Variants in VTI1A observed in about 807,000 individuals in gnomAD.
VTI1A encodes vesicle transport through interaction with t-SNAREs 1A.
In VTI1A, 22 loss-of-function variants were observed where a neutral mutation model predicts 34.9. That is an observed-to-expected ratio of 0.63 (90% CI 0.45 to 0.90). The LOEUF (loss-of-function observed/expected upper bound fraction) is 0.90, where lower values mean the gene tolerates loss of function less well. VTI1A is among the 40% of genes least tolerant of loss of function. The pLI, the probability that VTI1A is intolerant of heterozygous loss-of-function variation, is 0.00. For synonymous variants in VTI1A, 87 were observed against 97.3 expected, an observed-to-expected ratio of 0.89 and a Z score of 0.62; for missense variants, 268 against 275.6, an observed-to-expected ratio of 0.97 and a Z score of 0.20.
At chr10:112,582,289 C>T (rs1367055902) in intron 5 of VTI1A, among the ~76,000 whole-genome samples, 1 of 152,126 alleles carries the variant, frequency 6.6e-6, no homozygotes, top group Admixed American at 6.5e-5. Context: ...CATGACCTCC[C>T]CAGTGTGCAT....
At chr10:112,782,648 T>A (rs1010133808) in intron 7 of VTI1A, among the ~76,000 whole-genome samples, 1 of 152,208 alleles carries the variant, frequency 6.6e-6, no homozygotes, top group Non-Finnish European at 1.5e-5. Flanking sequence ...TAATTACATT[T>A]GGTCTACCTA....
intron 5 of VTI1A, among the ~76,000 whole-genome samples, chr10:112,595,753 G>A (rs879478039): frequency 2.0e-5 from 3 of 149,366 alleles, no homozygotes; most frequent in African/African-American, 5.1e-5. Context: ...AGTCAGTGTG[G>A]CGATTCCTCA....
intron 7 of VTI1A, among the ~76,000 whole-genome samples, chr10:112,801,738 A>C (rs1429528555): frequency 6.6e-6 from 1 of 152,234 alleles, no homozygotes; most frequent in African/African-American, 2.4e-5. Flanking sequence ...CTCTTTGGTG[A>C]GGGATCAGGT....
intron 3 of VTI1A, among the ~76,000 whole-genome samples, chr10:112,519,698 C>G (rs142648502): frequency 0.01 from 1,537 of 152,140 alleles, 10 homozygotes; most frequent in Admixed American, 0.018. Flanking sequence ...CCTTGTTCTG[C>G]CTCATCTTTC....
chr10:112,502,751 A>C (rs1322793881), intron 3 of VTI1A, among the ~76,000 whole-genome samples: 1 of 152,244 alleles, frequency 6.6e-6, no homozygotes, highest in Non-Finnish European at 1.5e-5. Flanking sequence ...TCAAGGATTG[A>C]GAGATCGTGA....
intron 5 of VTI1A, among the ~76,000 whole-genome samples, chr10:112,656,610 T>C (rs1324718015): frequency 6.6e-6 from 1 of 150,400 alleles, no homozygotes; most frequent in Non-Finnish European, 1.5e-5. Flanking sequence ...AAGTGATCCT[T>C]GATCTGCCTC....
chr10:112,482,528 G>A (rs1337558708), intron 3 of VTI1A, among the ~76,000 whole-genome samples: 1 of 152,030 alleles, frequency 6.6e-6, no homozygotes. Context: ...TGGCACTGTG[G>A]CTCACACTAA....
chr10:112,504,755 T>A lies in VTI1A; in HGVS notation c.265-22332T>A, dbSNP rs145654665. ...TAATTTACATGACCCCGGCATTGCA[T>A]GGAGATATTGGTTACTTGCAAATTG... On this transcript the variant is annotated intron_variant, in intron 3 of 7. Transcript: ENST00000393077. 5.1e-3 allele frequency among the ~76,000 whole-genome samples: 774 copies of A among 152,282 alleles called. 9 individuals are homozygous for A. Among genetic ancestry groups the A allele is most frequent in the African/African-American group, 0.017 (709 of 41,558 alleles).
intron 5 of VTI1A, among the ~76,000 whole-genome samples, chr10:112,585,495 C>G (rs538241039): frequency 6.6e-6 from 1 of 152,240 alleles, no homozygotes; most frequent in East Asian, 1.9e-4. Flanking sequence ...TTAGAGTCAT[C>G]CTAACATATG....
At chr10:112,835,422 T>C in the VTI1A span, among the ~76,000 whole-genome samples, 1 of 152,220 alleles carries the variant, frequency 6.6e-6, no homozygotes, top group East Asian at 1.9e-4. Flanking sequence ...CTGCGATTGT[T>C]TTTAAGCCAG....
At chr10:112,477,779 C>A (rs987230088) in intron 3 of VTI1A, among the ~76,000 whole-genome samples, 4 of 152,286 alleles carry the variant, frequency 2.6e-5, no homozygotes, top group Admixed American at 6.5e-5. Flanking sequence ...TTATCTGATA[C>A]CTTTTGATTT....
At chr10:112,789,766 T>C (rs4918775) in intron 7 of VTI1A, among the ~76,000 whole-genome samples, 118,212 of 151,462 alleles carry the variant, frequency 0.78, 46,463 homozygotes, top group East Asian at 0.95. Context: ...TTGAGATTTC[T>C]TCTTTGTTGA....
intron 5 of VTI1A, among the ~76,000 whole-genome samples, chr10:112,596,616 T>C (rs938372593): frequency 6.6e-6 from 1 of 152,188 alleles, no homozygotes; most frequent in Admixed American, 6.5e-5. Flanking sequence ...TTTAATGTAT[T>C]ATACCAAATT....
At chr10:112,806,029 G>A (rs11196114) in intron 7 of VTI1A, among the ~76,000 whole-genome samples, 6,852 of 152,174 alleles carry the variant, frequency 0.045, 186 homozygotes, top group South Asian at 0.083. Context: ...GAAACAGGGC[G>A]AAGCGACTCC....
intron 3 of VTI1A, among the ~76,000 whole-genome samples, chr10:112,498,461 A>G (rs947821349): frequency 6.6e-6 from 1 of 152,132 alleles, no homozygotes; most frequent in East Asian, 1.9e-4. Flanking sequence ...CATCGCCGCC[A>G]CCACCACCAA....
intron 7 of VTI1A, among the ~76,000 whole-genome samples, chr10:112,680,781 A>T (rs542278969): frequency 4.1e-4 from 63 of 152,338 alleles, no homozygotes; most frequent in Admixed American, 1.1e-3. Context: ...AGAGGAGATG[A>T]TAGGTGAGAA....
chr10:112,784,184 G>A (rs7074539), intron 7 of VTI1A, among the ~76,000 whole-genome samples: 2,909 of 152,154 alleles, frequency 0.019, 98 homozygotes, highest in African/African-American at 0.066. Flanking sequence ...AAATCTTAAC[G>A]TGATTAATAG....
chr10:112,584,091 G>A (rs1353804700), intron 5 of VTI1A, among the ~76,000 whole-genome samples: 2 of 152,150 alleles, frequency 1.3e-5, no homozygotes, highest in African/African-American at 4.8e-5. Flanking sequence ...CATTTGTTTA[G>A]CATCTACAAT....
Position 112,817,645 on chromosome 10 carries a change from T to C in VTI1A, c.*2262T>C. 1 of 229,080 alleles carries C rather than the reference T, an allele frequency of 4.4e-6. No individual in the cohort carries two copies. The highest frequency in any genetic ancestry group is 8.7e-6 in the Non-Finnish European group (1 of 115,424). The allele number at this position is 229,080 out of a possible 1,614,324, so 14.2% of individuals were successfully genotyped here. On this transcript the variant is annotated 3_prime_UTR_variant, in exon 8 of 8. Coordinates refer to ENST00000393077, the MANE Select transcript of VTI1A (RefSeq NM_145206.4). ...TCCCTCAACTCCTTCCTGGTCCTCC[T>C]GGACACTGCAGAAAAGACTTAGGGG...
Sources: allele counts gnomAD v4.1 joint callset (sites outside exome capture counted in the v4.1 genomes callset), GRCh38; gene constraint gnomAD v4.1.1; transcripts MANE v1.5; gene names NCBI Gene and HGNC (gene_info 2026-07-23, HGNC 2026-07-21).